The following PPARG variants were observed in gnomAD, a reference collection of about 807,000 sequenced individuals.
The protein encoded by PPARG is peroxisome proliferator-activated receptor gamma.
A neutral mutation model predicts 39.2 loss-of-function variants in PPARG; 17 were observed. That is an observed-to-expected ratio of 0.43 (90% CI 0.30 to 0.65). The LOEUF is 0.65. Ranked by LOEUF, PPARG falls within the 30% of genes least tolerant of loss-of-function variation. PPARG has a pLI of 0.13. For synonymous variants in PPARG, 223 were observed against 215.7 expected, an observed-to-expected ratio of 1.03 and a Z score of -0.30; for missense variants, 406 against 585.9, an observed-to-expected ratio of 0.69 and a Z score of 3.17.
chr3:12,332,328 T>G, intron 2 of PPARG, among the ~76,000 whole-genome samples: 1 of 152,168 alleles, frequency 6.6e-6, no homozygotes. Context: ...TTCAAGAACT[T>G]TTAGAATCTT....
In PPARG at chr3:12,310,815, A is replaced by C. The variant is rs1447586287; in HGVS notation, c.-82-1565A>C. ...GTAAAAAAAAAAAAAAAAAAAAAAA[A>C]AAAAAAAAACCCAAGTGGTAATCTG... On this transcript the variant is annotated intron_variant, in intron 1 of 7. Coordinates refer to ENST00000651735, the MANE Select transcript of PPARG (RefSeq NM_138711.6). Among the ~76,000 whole-genome samples, 5 of 150,018 alleles carry C rather than the reference A, an allele frequency of 3.3e-5. No individual in the cohort carries two copies. The South Asian group carries it at 6.3e-4, about 19-fold the overall frequency.
intron 2 of PPARG, among the ~76,000 whole-genome samples, chr3:12,323,428 G>A (rs1474788416): frequency 6.6e-6 from 1 of 151,174 alleles, no homozygotes; most frequent in Non-Finnish European, 1.5e-5. Context: ...AGAGGAAGTT[G>A]AGCGTTTGGA....
chr3:12,390,637 C>CTTT (rs35190152), intron 4 of PPARG, among the ~76,000 whole-genome samples: 39,983 of 91,738 alleles, frequency 0.44, 9,778 homozygotes, highest in South Asian at 0.56. Context: ...TATTTTCTTC[C>CTTT]TTTTTTTTTT....
rs934086843 is a variant in PPARG at position 12,419,694 on chromosome 3, C to G, written c.1180+2540C>G. Among the ~76,000 whole-genome samples, 60 of 152,142 alleles carry G rather than the reference C, an allele frequency of 3.9e-4. 2 individuals are homozygous for G. Among genetic ancestry groups the G allele is most frequent in the Middle Eastern group, 3.4e-3 (1 of 294 alleles). ...ATGTTGGCCAGTCTGGTCTCAAACT[C>G]CTGACCTCATGATCCACCTGCCTCA... is the stretch of plus-strand genomic sequence containing the variant. On this transcript the variant is annotated intron_variant, in intron 7 of 7. Coordinates refer to ENST00000651735, the MANE Select transcript of PPARG (RefSeq NM_138711.6).
chr3:12,326,402 A>G (rs928637170), intron 2 of PPARG, among the ~76,000 whole-genome samples: 2 of 152,244 alleles, frequency 1.3e-5, no homozygotes, highest in African/African-American at 4.8e-5. Flanking sequence ...TGGAAAAGTT[A>G]CAGCTGTAAT....
Position 12,306,162 on chromosome 3 carries a change from A to G in PPARG, c.-82-6218A>G, listed in dbSNP as rs181072327. Among the ~76,000 whole-genome samples the G allele has an allele frequency of 2.8e-3, 426 of 152,310 alleles. 2 individuals carry two copies. Among genetic ancestry groups the G allele is most frequent in the African/African-American group, 9.5e-3 (393 of 41,568 alleles). On this transcript the variant is annotated intron_variant, in intron 1 of 7. Transcript: ENST00000651735. ...AATGGTTTCAGGATGAAACTGTTCCACCTTAGATCATCAGGCATTAGTTAG... is the reference window on the plus strand; with the variant it reads ...AATGGTTTCAGGATGAAACTGTTCCGCCTTAGATCATCAGGCATTAGTTAG...
At position 12,416,898 on chromosome 3, in the gene PPARG, C is replaced by T. The variant is rs1203820885; in HGVS notation, c.924C>T (p.Asp308=). 6.2e-7 allele frequency: 1 copy of T among 1,614,098 alleles called. No homozygotes were observed. The highest frequency in any genetic ancestry group is 1.3e-5 in the African/African-American group (1 of 75,022). ...GCATTCCTGGTTTTGTAAATCTTGA[C>T]TTGAACGACCAAGTAACTCTCCTCA... ...AKSIPGFVNL[D]LNDQVTLLKY... Residue 308 remains aspartate, a synonymous_variant, in exon 7 of 8, where the codon GAC becomes GAT. Coordinates refer to ENST00000651735, the MANE Select transcript of PPARG (RefSeq NM_138711.6).
chr3:12,358,900 A>AT (rs1377447436), intron 2 of PPARG, among the ~76,000 whole-genome samples: 1 of 152,204 alleles, frequency 6.6e-6, no homozygotes, highest in Non-Finnish European at 1.5e-5. Context: ...AATATCATGT[A>AT]ATATAAGGGG....
intron 1 of PPARG, among the ~76,000 whole-genome samples, chr3:12,291,330 G>A (rs1383537693): frequency 1.3e-5 from 2 of 152,156 alleles, no homozygotes; most frequent in Non-Finnish European, 2.9e-5. Flanking sequence ...GATCTAATTT[G>A]ACTCCACAAA....
intron 2 of PPARG, among the ~76,000 whole-genome samples, chr3:12,377,800 A>G (rs2049472445): frequency 6.6e-6 from 1 of 152,250 alleles, no homozygotes; most frequent in Non-Finnish European, 1.5e-5. Context: ...AATAATCAAT[A>G]AAGTGAAAAG....
intron 1 of PPARG, among the ~76,000 whole-genome samples, chr3:12,291,804 A>G (rs2046655211): frequency 6.6e-6 from 1 of 152,312 alleles, no homozygotes; most frequent in Middle Eastern, 3.4e-3. Flanking sequence ...GACTGTTTAC[A>G]TTTTCAACTG....
intron 5 of PPARG, among the ~76,000 whole-genome samples, chr3:12,394,463 C>A (rs1251201955): frequency 2.0e-5 from 3 of 152,248 alleles, no homozygotes; most frequent in Middle Eastern, 3.4e-3. Context: ...TTTCTCCTCC[C>A]ATAAATGTCA....
At chr3:12,354,516 C>T (rs1388526656) in intron 2 of PPARG, among the ~76,000 whole-genome samples, 1 of 151,810 alleles carries the variant, frequency 6.6e-6, no homozygotes, top group Non-Finnish European at 1.5e-5. Context: ...GAGGCCGAGG[C>T]GGGCAGATCA....
At chr3:12,332,946 G>A (rs2047903828) in intron 2 of PPARG, among the ~76,000 whole-genome samples, 1 of 152,214 alleles carries the variant, frequency 6.6e-6, no homozygotes, top group Admixed American at 6.5e-5. Context: ...AGGGAGGATC[G>A]CTTGAGCCCG....
At chr3:12,313,562 G>A (rs1259110357) in intron 2 of PPARG, among the ~76,000 whole-genome samples, 3 of 152,110 alleles carry the variant, frequency 2.0e-5, no homozygotes, top group Non-Finnish European at 2.9e-5. Flanking sequence ...TTCAAAATCC[G>A]AGATATTTCT....
At chr3:12,417,444 T>C (rs2051101427) in intron 7 of PPARG, among the ~76,000 whole-genome samples, 2 of 152,204 alleles carry the variant, frequency 1.3e-5, no homozygotes, top group Admixed American at 6.5e-5. Flanking sequence ...TTTCTTTGTC[T>C]CTTTCTTTTC....
chr3:12,427,356 A>AAACCCCAAACGTGTCTGC (rs1341950808), intron 7 of PPARG, among the ~76,000 whole-genome samples: 1 of 152,172 alleles, frequency 6.6e-6, no homozygotes, highest in Non-Finnish European at 1.5e-5. Context: ...AACTTGCCTG[A>AAACCCCAAACGTGTCTGC]AACCCCAAAC....
rs547322570 is a variant in PPARG at position 12,333,841 on chromosome 3, T to A, written c.-9+21388T>A. On this transcript the variant is annotated intron_variant, in intron 2 of 7. Transcript: ENST00000651735. ...GGAAATAACCTAGCTGCATGGTTGC[T>A]GTCTTTCAAAAGGCCGTACTCTTAG... is the stretch of plus-strand genomic sequence containing the variant. Among the ~76,000 whole-genome samples, 16 of 152,326 alleles carry A rather than the reference T, an allele frequency of 1.1e-4. No homozygotes were observed. In the East Asian group the frequency reaches 3.1e-3, roughly 29 times the overall value.
intron 2 of PPARG, among the ~76,000 whole-genome samples, chr3:12,338,841 T>A (rs1371967220): frequency 1.3e-5 from 2 of 152,196 alleles, no homozygotes; most frequent in Non-Finnish European, 2.9e-5. Context: ...CTTAGACAAC[T>A]AAAGTTGTGA....
Sources: gnomAD v4.1 joint callset for allele counts (sites outside exome capture counted in the v4.1 genomes callset) on GRCh38, gnomAD v4.1.1 for gene constraint, MANE v1.5 for transcripts, NCBI Gene and HGNC (gene_info 2026-07-23, HGNC 2026-07-21) for gene names.